PTPRJ: variants seen among roughly 807,000 people sequenced by gnomAD.
PTPRJ encodes receptor-type tyrosine-protein phosphatase eta.
Under a neutral mutation model 141.3 loss-of-function variants are expected in PTPRJ, and 129 were observed. The observed-to-expected ratio is 0.91, with a 90% CI of 0.79 to 1.06. The LOEUF is 1.06. PTPRJ is among the 50% of genes least tolerant of loss of function. PTPRJ has a pLI of 0.00. For missense variants in PTPRJ, 1,601 were observed against 1,679.7 expected (o/e 0.95, Z 0.82); for synonymous variants, 610 against 640.5 (o/e 0.95, Z 0.72).
chr11:48,137,333 T>A, intron 10 of PTPRJ, 52 bp downstream of exon 10: 1 of 1,565,684 alleles, frequency 6.4e-7, no homozygotes, highest in Non-Finnish European at 8.7e-7. Flanking sequence ...GGTGCTGACC[T>A]TGCAGGTCAG....
chr11:48,085,810 C>T (rs1349334164), intron 1 of PTPRJ, among the ~76,000 whole-genome samples: 1 of 152,208 alleles, frequency 6.6e-6, no homozygotes, highest in Non-Finnish European at 1.5e-5. Flanking sequence ...GGCTTCTTTT[C>T]TAAGCGAATG....
At chr11:48,076,667 C>T (rs1052947576) in intron 1 of PTPRJ, among the ~76,000 whole-genome samples, 2 of 151,748 alleles carry the variant, frequency 1.3e-5, no homozygotes, top group Non-Finnish European at 1.5e-5. Context: ...GACCCTGTGG[C>T]GGTTGCATTT....
At chr11:48,100,800 T>TGAACCTG (rs1856130350) in intron 1 of PTPRJ, among the ~76,000 whole-genome samples, 1 of 151,952 alleles carries the variant, frequency 6.6e-6, no homozygotes, top group East Asian at 1.9e-4. Flanking sequence ...GAGAATTGTT[T>TGAACCTG]GAACCTGGGA....
At position 48,149,477 on chromosome 11, in the gene PTPRJ, T is replaced by C; in HGVS notation, c.3030T>C (p.Phe1010=). The C allele has an allele frequency of 1.3e-6, 2 of 1,512,266 alleles. No homozygotes were observed. Among genetic ancestry groups the C allele is most frequent in the Middle Eastern group, 1.7e-4 (1 of 5,882 alleles). The allele number at this position is 1,512,266 out of a possible 1,614,324, so 93.7% of individuals were successfully genotyped here. ...RKDAKNNEVS[F]SQIKPKKSKL... ...ATGCAAAGAATAATGAAGTGTCCTT[T>C]TCTCAAATTAAGTAAGTCTCTCAAA... The change falls in exon 16 of 25, where the codon TTT becomes TTC. Residue 1010 remains phenylalanine (F), a synonymous_variant. Coordinates refer to ENST00000418331, the MANE Select transcript of PTPRJ (RefSeq NM_002843.4).
chr11:48,106,637 T>A (rs10734562), intron 1 of PTPRJ, among the ~76,000 whole-genome samples: 101,748 of 151,974 alleles, frequency 0.67, 35,697 homozygotes, highest in East Asian at 0.81. Context: ...TTGATGTGTA[T>A]GTACATGTAG....
chr11:48,076,606 C>T (rs1855410068), intron 1 of PTPRJ, among the ~76,000 whole-genome samples: 1 of 152,060 alleles, frequency 6.6e-6, no homozygotes, highest in Admixed American at 6.6e-5. Context: ...AAGCTCCCAC[C>T]AGCTCAGACA....
In PTPRJ at chr11:48,164,440, G is replaced by A; in HGVS notation, c.3780G>A (p.Glu1260=). The A allele has an allele frequency of 6.2e-7, 1 of 1,613,280 alleles. No individual in the cohort carries two copies. The highest frequency in any genetic ancestry group is 8.5e-7 in the Non-Finnish European group (1 of 1,179,492). The change falls in exon 24 of 25, where the codon GAG becomes GAA. Residue 1260 remains glutamate (E), a synonymous_variant. Coordinates refer to ENST00000418331, the MANE Select transcript of PTPRJ (RefSeq NM_002843.4). ...TTGATCGTCTCATCTACCAGATAGA[G>A]AATGAGAACACCGTGGATGTGTATG... ...IAIDRLIYQI[E]NENTVDVYGI...
chr11:48,132,642 T>C (rs1857009124), intron 8 of PTPRJ: 2 of 882,198 alleles, frequency 2.3e-6, no homozygotes, highest in Non-Finnish European at 2.7e-6. Context: ...TGTATACATA[T>C]GTAACAAACC....
rs779044679 is a variant in PTPRJ, at chr11:48,137,122, G to A, written c.1993G>A (p.Gly665Arg). 1.2e-6 allele frequency: 2 copies of A among 1,612,038 alleles called. No homozygotes were observed. The highest frequency in any genetic ancestry group is 2.2e-5 in the East Asian group (1 of 44,876). The stretch of plus-strand genomic sequence containing the variant: ...CTACTGCCTTCTTATTGAGAAGGCT[G>A]GAAATTCCAGCAACGCAACACAAGT... ...YSYCLLIEKA[G>R]NSSNATQVVT... The change falls in exon 10 of 25, where the codon GGA (glycine) becomes AGA (arginine). Residue 665 changes from glycine to arginine, a missense_variant. Gly to Arg is a moderately radical substitution (Grantham distance 125). Transcript: ENST00000418331.
intron 8 of PTPRJ, chr11:48,131,408 C>A (rs1856982297): frequency 1.4e-6 from 1 of 703,426 alleles, no homozygotes; most frequent in Non-Finnish European, 2.6e-6. Flanking sequence ...ATTTCTTTCA[C>A]AAACATTGAG....
intron 12 of PTPRJ, among the ~76,000 whole-genome samples, chr11:48,143,404 C>T (rs1857278445): frequency 6.6e-6 from 1 of 152,150 alleles, no homozygotes; most frequent in South Asian, 2.1e-4. Context: ...GTTTGTGGCC[C>T]ATAACTTGCT....
At position 48,156,040 on chromosome 11, in the gene PTPRJ, T is replaced by A; in HGVS notation, c.3359T>A (p.Leu1120Ter). ...ACACAAGGACCTTTACCGAACACTT[T>A]GAAAGATTTTTGGCGTATGGTTTGG... ...IATQGPLPNT[L>*]KDFWRMVWEK... The change falls in exon 21 of 25, where the codon TTG (leucine) becomes TAG (stop). Residue 1120 changes from leucine (L) to a stop codon, truncating the protein, a stop_gained. Transcript: ENST00000418331. LOFTEE classifies it high-confidence loss of function. 6.2e-7 allele frequency: 1 copy of A among 1,605,368 alleles called. No individual in the cohort carries two copies.
At chr11:48,017,433 T>C (rs1485025419) in intron 1 of PTPRJ, among the ~76,000 whole-genome samples, 1 of 152,162 alleles carries the variant, frequency 6.6e-6, no homozygotes, top group Non-Finnish European at 1.5e-5. Context: ...CCTCATGGGA[T>C]TAAAGAAAAT....
intron 21 of PTPRJ, among the ~76,000 whole-genome samples, chr11:48,159,161 G>GTGTGTGTA (rs60389100): frequency 0.12 from 15,659 of 130,494 alleles, 1,702 homozygotes; most frequent in Middle Eastern, 0.22. Flanking sequence ...GTGTGTGTGT[G>GTGTGTGTA]GTCATTTGCC....
At chr11:48,120,667 G>C (rs1856682335) in intron 3 of PTPRJ, among the ~76,000 whole-genome samples, 1 of 151,958 alleles carries the variant, frequency 6.6e-6, no homozygotes, top group African/African-American at 2.4e-5. Context: ...TTGAACTCCT[G>C]ACCTCAGGTG....
chr11:47,989,040 A>T (rs1412052900), intron 1 of PTPRJ, among the ~76,000 whole-genome samples: 4 of 146,740 alleles, frequency 2.7e-5, no homozygotes, highest in African/African-American at 5.0e-5. Flanking sequence ...CCCGCCACCA[A>T]GCCCAGCTAA....
chr11:48,093,207 G>A (rs1475636898), intron 1 of PTPRJ, among the ~76,000 whole-genome samples: 1 of 152,104 alleles, frequency 6.6e-6, no homozygotes, highest in East Asian at 1.9e-4. Flanking sequence ...TTTTGTCCTT[G>A]TCTGTCCTGG....
chr11:48,127,255 C>T (rs1446025073), intron 6 of PTPRJ, among the ~76,000 whole-genome samples: 1 of 152,192 alleles, frequency 6.6e-6, no homozygotes, highest in East Asian at 1.9e-4. Context: ...GAATAACTGG[C>T]ACTCGGGTTA....
chr11:48,049,514 C>CCAAAACAAAA lies in PTPRJ; in HGVS notation c.97-60544_97-60543insCAAAACAAAA, dbSNP rs1565276216. Among the ~76,000 whole-genome samples, 293 of 127,392 alleles carry CCAAAACAAAA rather than the reference C, an allele frequency of 2.3e-3. 2 individuals are homozygous for CCAAAACAAAA. The highest frequency in any genetic ancestry group is 9.7e-3 in the African/African-American group (281 of 29,046). The allele number at this position is 127,392 out of a possible 152,430, so 83.6% of individuals were successfully genotyped here. A position where few individuals can be genotyped will look rare whatever the true frequency, so the allele number is the denominator to read the frequency against. On this transcript the variant is annotated intron_variant, in intron 1 of 24. Coordinates refer to ENST00000418331, the MANE Select transcript of PTPRJ (RefSeq NM_002843.4). ...CCAATGCGGTGAAACCCCGTCTCTA[C>CCAAAACAAAA]TAAAACAAAACAAAACAAAACAAAA...
Sources: gnomAD v4.1 joint callset for allele counts (sites outside exome capture counted in the v4.1 genomes callset) on GRCh38, gnomAD v4.1.1 for gene constraint, MANE v1.5 for transcripts, NCBI Gene and HGNC (gene_info 2026-07-23, HGNC 2026-07-21) for gene names.